Variants in EPB41L3 observed in about 807,000 individuals in gnomAD.
EPB41L3 encodes band 4.1-like protein 3.
EPB41L3 carries 57 observed loss-of-function variants against 127.1 expected under a neutral mutation model. The ratio of observed to expected loss-of-function variants is 0.45; its 90% CI spans 0.36 to 0.56. The LOEUF is 0.56. EPB41L3 is among the 20% of genes least tolerant of loss of function. The pLI, the probability that EPB41L3 is intolerant of heterozygous loss-of-function variation, is 0.00. For synonymous variants in EPB41L3, 572 were observed against 549.5 expected (o/e 1.04, Z -0.57); for missense variants, 1,273 against 1,372.2 (o/e 0.93, Z 1.14).
At chr18:5,492,289 C>CCTTTCCAACTAACTA (rs1484939704) in intron 1 of EPB41L3, among the ~76,000 whole-genome samples, 3 of 147,322 alleles carry the variant, frequency 2.0e-5, no homozygotes, top group African/African-American at 8.0e-5. Context: ...CACTGCACTC[C>CCTTTCCAACTAACTA]AGCCTGGGTG....
intron 3 of EPB41L3, among the ~76,000 whole-genome samples, chr18:5,581,025 T>C (rs1274272131): frequency 6.6e-6 from 1 of 152,196 alleles, no homozygotes; most frequent in Admixed American, 6.5e-5. Flanking sequence ...TCTCTGAGGG[T>C]CTGTGATTGG....
In EPB41L3 at chr18:5,445,233, T is replaced by A; in HGVS notation, c.393A>T (p.Arg131Ser). The A allele has an allele frequency of 6.2e-7, 1 of 1,613,774 alleles. No homozygotes were observed. Among genetic ancestry groups the A allele is most frequent in the Non-Finnish European group, 8.5e-7 (1 of 1,179,894 alleles). The part of the protein sequence containing the change: ...EYTCDVEKRS[R>S]GQVLFDKVCE... ...ACACTTTATCAAACAGCACTTGTCCTCTGGAGCGTTTCTACAGAAAACAGA... is the reference window on the plus strand; with the variant it reads ...ACACTTTATCAAACAGCACTTGTCCACTGGAGCGTTTCTACAGAAAACAGA... The change falls in exon 4 of 23, where the codon AGA (arginine) becomes AGT (serine). Residue 131 changes from arginine to serine, a missense_variant. Physicochemically the swap from Arg to Ser is moderately radical, Grantham distance 110. This residue lies in a region of EPB41L3 where 326 missense variants were observed against 440.2 expected (regional missense o/e 0.74). Transcript: ENST00000341928.
chr18:5,457,331 A>G (rs1428262829), intron 3 of EPB41L3, among the ~76,000 whole-genome samples: 1 of 151,986 alleles, frequency 6.6e-6, no homozygotes. Flanking sequence ...TCGGGGCTGA[A>G]CTTGAGTAAG....
chr18:5,445,455 C>G (rs1380085731), intron 3 of EPB41L3, among the ~76,000 whole-genome samples: 1 of 152,098 alleles, frequency 6.6e-6, no homozygotes, highest in East Asian at 1.9e-4. Context: ...CAAAAGCCCA[C>G]CCCACAAATA....
intron 1 of EPB41L3, among the ~76,000 whole-genome samples, chr18:5,616,634 G>A (rs1277638172): frequency 6.6e-6 from 1 of 152,096 alleles, no homozygotes; most frequent in Non-Finnish European, 1.5e-5. Flanking sequence ...TTAACAATGA[G>A]AACGTCACCA....
chr18:5,438,171 G>A, intron 5 of EPB41L3, 61 bp from the exon 6 acceptor site: 1 of 1,496,416 alleles, frequency 6.7e-7, no homozygotes. Flanking sequence ...TCTAATCGAT[G>A]GCCAGAACTG....
Position 5,406,986 on chromosome 18 carries a change from A to T in EPB41L3, c.2158-18T>A. On this transcript the variant is annotated intron_variant, in intron 15 of 22. Coordinates refer to ENST00000341928, the MANE Select transcript of EPB41L3 (RefSeq NM_012307.5). ...TCTAGCTCCTATATTCAGAACATAA[A>T]GTATCCAACAGTCAATGTTTTACAT... 4 of 1,600,696 alleles carry T rather than the reference A, an allele frequency of 2.5e-6. No individual in the cohort carries two copies. Among genetic ancestry groups the T allele is most frequent in the Non-Finnish European group, 3.4e-6 (4 of 1,167,892 alleles).
chr18:5,522,079 C>CA (rs1322301897), intron 1 of EPB41L3, among the ~76,000 whole-genome samples: 1 of 151,958 alleles, frequency 6.6e-6, no homozygotes, highest in Non-Finnish European at 1.5e-5. Context: ...TATTTTCTTC[C>CA]AATGCCAAAT....
intron 3 of EPB41L3, among the ~76,000 whole-genome samples, chr18:5,473,341 TTAGAG>T (rs2086524203): frequency 6.6e-6 from 1 of 151,974 alleles, no homozygotes; most frequent in Non-Finnish European, 1.5e-5. Flanking sequence ...CCTACCACTC[TTAGAG>T]TAATGTTCTG....
intron 1 of EPB41L3, among the ~76,000 whole-genome samples, chr18:5,498,165 AAC>A (rs2091355338): frequency 6.6e-6 from 1 of 152,236 alleles, no homozygotes; most frequent in African/African-American, 2.4e-5. Flanking sequence ...TATTGTTCTA[AAC>A]ACAGCAGAAA....
chr18:5,602,603 C>A (rs2094603983), intron 3 of EPB41L3, among the ~76,000 whole-genome samples: 1 of 152,166 alleles, frequency 6.6e-6, no homozygotes, highest in Admixed American at 6.5e-5. Flanking sequence ...TGCCACCATG[C>A]CCGTCTAACT....
intron 1 of EPB41L3, among the ~76,000 whole-genome samples, chr18:5,498,615 A>AATGGACTTCAG (rs1555765876): frequency 4.0e-5 from 6 of 151,156 alleles, no homozygotes; most frequent in Non-Finnish European, 5.9e-5. Flanking sequence ...AAAAAAAGAA[A>AATGGACTTCAG]ATGGACTTCA....
chr18:5,433,394 C>A, intron 8 of EPB41L3, 75 bp downstream of exon 8: 1 of 1,051,744 alleles, frequency 9.5e-7, no homozygotes, highest in Non-Finnish European at 1.4e-6. Flanking sequence ...AAGTAAAAAT[C>A]ACCAGCTTAC....
At chr18:5,628,005 G>T (rs182155561) in intron 1 of EPB41L3, among the ~76,000 whole-genome samples, 1 of 152,158 alleles carries the variant, frequency 6.6e-6, no homozygotes, top group Non-Finnish European at 1.5e-5. Flanking sequence ...AAGTGAAGAC[G>T]GAGACTCCCA....
chr18:5,448,169 C>G (rs1161721624), intron 3 of EPB41L3, among the ~76,000 whole-genome samples: 1 of 152,116 alleles, frequency 6.6e-6, no homozygotes, highest in African/African-American at 2.4e-5. Context: ...ACTGGGCTTC[C>G]CTTTGCAAAC....
chr18:5,464,615 T>G (rs978997023), intron 3 of EPB41L3, among the ~76,000 whole-genome samples: 1 of 152,136 alleles, frequency 6.6e-6, no homozygotes, highest in African/African-American at 2.4e-5. Context: ...CCCTAGTCAT[T>G]TTTTTAAAAC....
chr18:5,461,554 C>T (rs148475440), intron 3 of EPB41L3, among the ~76,000 whole-genome samples: 25 of 152,252 alleles, frequency 1.6e-4, no homozygotes, highest in African/African-American at 6.0e-4. Flanking sequence ...GAAACCTGCA[C>T]CAATCAAAGC....
At chr18:5,467,261 C>A (rs1346923470) in intron 3 of EPB41L3, among the ~76,000 whole-genome samples, 1 of 152,166 alleles carries the variant, frequency 6.6e-6, no homozygotes, top group African/African-American at 2.4e-5. Flanking sequence ...TGCTTCGAAG[C>A]TTTATTCTTT....
rs1266387401 is a variant in EPB41L3, at chr18:5,395,599, C to G, written c.3072+10G>C. ...CAAGGAATCCTCTTCTCGGTTCTCA[C>G]TCCACTTACTTTGGTGATGTGCGTA... On this transcript the variant is annotated intron_variant, in intron 20 of 22. Transcript: ENST00000341928. 6 of 1,612,966 alleles carry G rather than the reference C, an allele frequency of 3.7e-6. No individual in the cohort carries two copies. The South Asian group carries it at 6.6e-5, about 18-fold the overall frequency.
Sources: gnomAD v4.1 joint callset for allele counts (sites outside exome capture counted in the v4.1 genomes callset) on GRCh38, gnomAD v4.1.1 for gene constraint, gnomAD v4.1.1 regional missense constraint, MANE v1.5 for transcripts, NCBI Gene and HGNC (gene_info 2026-07-23, HGNC 2026-07-21) for gene names.